CDH13: variants seen among roughly 807,000 people sequenced by gnomAD.
The protein encoded by CDH13 is cadherin 13.
Under a neutral mutation model 63.8 loss-of-function variants are expected in CDH13, and 24 were observed. That is an observed-to-expected ratio of 0.38 (90% CI 0.27 to 0.53). CDH13 has a LOEUF of 0.53. Among genes scored for constraint, CDH13 ranks in the 20% least tolerant of loss-of-function variants. The probability of loss-of-function intolerance (pLI) is 0.85; values close to 1 mark genes in which losing one functional copy is unlikely to be tolerated. For synonymous variants in CDH13, 503 were observed against 355.3 expected, an observed-to-expected ratio of 1.42 and a Z score of -4.67; for missense variants, 1,049 against 903.1, an observed-to-expected ratio of 1.16 and a Z score of -2.07.
intron 3 of CDH13, among the ~76,000 whole-genome samples, chr16:83,078,316 A>G (rs1201904379): frequency 6.6e-6 from 1 of 152,160 alleles, no homozygotes; most frequent in African/African-American, 2.4e-5. Flanking sequence ...GGTTTCATGG[A>G]AGGCAATTTT....
chr16:83,546,975 G>A (rs868309047), intron 7 of CDH13, among the ~76,000 whole-genome samples: 2 of 152,138 alleles, frequency 1.3e-5, no homozygotes, highest in Admixed American at 6.5e-5. Flanking sequence ...GGACACCTCC[G>A]GTCCTGAACA....
intron 7 of CDH13, among the ~76,000 whole-genome samples, chr16:83,549,789 C>T (rs1243608607): frequency 6.6e-6 from 1 of 152,144 alleles, no homozygotes; most frequent in Non-Finnish European, 1.5e-5. Context: ...ACTGTAATCC[C>T]TTCGAGGAGA....
chr16:83,023,485 C>CAGAT (rs1915532177), intron 2 of CDH13, among the ~76,000 whole-genome samples: 1 of 152,130 alleles, frequency 6.6e-6, no homozygotes, highest in African/African-American at 2.4e-5. Context: ...CAGAAGAGTA[C>CAGAT]AGATAGTTCA....
rs901860532 is a variant in CDH13, at chr16:82,644,482, C to T, written c.45+17345C>T. ...TTGTCATGTTGAAAATGCTGAGTGA[C>T]AAAGCCATTAGCCATGCACAGTGAA... On this transcript the variant is annotated intron_variant, in intron 1 of 13. Transcript: ENST00000567109. This position sits in a 1 kb window ranked among gnomAD's most constrained non-coding sequence, Gnocchi z 5.7. Among the ~76,000 whole-genome samples, 1 of 152,148 alleles carries T rather than the reference C, an allele frequency of 6.6e-6. No individual in the cohort carries two copies. The highest frequency in any genetic ancestry group is 2.4e-5 in the African/African-American group (1 of 41,428).
At chr16:83,390,456 CT>C (rs113553312) in intron 6 of CDH13, among the ~76,000 whole-genome samples, 134 of 149,000 alleles carry the variant, frequency 9.0e-4, no homozygotes, top group Admixed American at 4.0e-3. Flanking sequence ...TTTACAAATA[CT>C]TTTTTTTTTT....
chr16:83,242,212 C>T (rs991145012), intron 5 of CDH13, among the ~76,000 whole-genome samples: 1 of 152,180 alleles, frequency 6.6e-6, no homozygotes, highest in South Asian at 2.1e-4. Flanking sequence ...TCAATACATA[C>T]AATTTTGATT....
chr16:83,067,080 G>C lies in CDH13; in HGVS notation c.366+34862G>C, dbSNP rs181539947. On this transcript the variant is annotated intron_variant, in intron 3 of 13. Coordinates refer to ENST00000567109, the MANE Select transcript of CDH13 (RefSeq NM_001257.5). ...CGTTTTAAGCGTCCTTCATTCTTCA[G>C]ATGTGCTAATACCATCAATTAGGTA... Among the ~76,000 whole-genome samples, 52 of 152,270 alleles carry C rather than the reference G, an allele frequency of 3.4e-4. No homozygotes were observed. In the East Asian group the frequency reaches 7.4e-3, roughly 22 times the overall value.
At chr16:82,963,869 G>A (rs1020400172) in intron 2 of CDH13, among the ~76,000 whole-genome samples, 2 of 152,138 alleles carry the variant, frequency 1.3e-5, no homozygotes, top group East Asian at 3.9e-4. Context: ...GGGAGCAATG[G>A]CAAGGGCACC....
At chr16:83,344,183 A>C (rs2090787076) in intron 5 of CDH13, among the ~76,000 whole-genome samples, 2 of 152,234 alleles carry the variant, frequency 1.3e-5, no homozygotes, top group African/African-American at 4.8e-5. Context: ...CCCGTGATTC[A>C]CTGGAAATGC....
intron 2 of CDH13, among the ~76,000 whole-genome samples, chr16:82,998,294 G>C (rs957918998): frequency 6.6e-6 from 1 of 152,156 alleles, no homozygotes; most frequent in African/African-American, 2.4e-5. Flanking sequence ...TTAAAAATCA[G>C]CATATATTGA....
chr16:83,629,209 G>A (rs1470878985), intron 8 of CDH13, among the ~76,000 whole-genome samples: 1 of 152,182 alleles, frequency 6.6e-6, no homozygotes, highest in Admixed American at 6.6e-5. Flanking sequence ...TTTCATACCT[G>A]CACAATTTAC....
intron 1 of CDH13, among the ~76,000 whole-genome samples, chr16:82,685,464 A>G (rs908227438): frequency 1.3e-5 from 2 of 152,230 alleles, no homozygotes; most frequent in African/African-American, 2.4e-5. Flanking sequence ...TGGGGGTTAG[A>G]CATTTAACAT....
intron 3 of CDH13, among the ~76,000 whole-genome samples, chr16:83,107,033 G>GAC (rs141710269): frequency 6.6e-6 from 1 of 152,016 alleles, no homozygotes; most frequent in Non-Finnish European, 1.5e-5. Flanking sequence ...CAGACAGACA[G>GAC]ACACACACAC....
At chr16:83,684,513 C>T (rs778820374) in intron 10 of CDH13, among the ~76,000 whole-genome samples, 6 of 152,204 alleles carry the variant, frequency 3.9e-5, no homozygotes, top group African/African-American at 9.7e-5. Flanking sequence ...GGGAGGCAGC[C>T]GGCAGCTAAA....
intron 3 of CDH13, among the ~76,000 whole-genome samples, chr16:83,090,001 C>G (rs1343172875): frequency 2.0e-5 from 3 of 152,130 alleles, no homozygotes; most frequent in South Asian, 2.1e-4. Context: ...ACATTTGAGG[C>G]TAGAAGCATG....
chr16:83,349,581 CATTATTATT>C (rs59255073), intron 6 of CDH13, among the ~76,000 whole-genome samples: 2 of 145,054 alleles, frequency 1.4e-5, no homozygotes, highest in South Asian at 2.3e-4. Context: ...ACTTGAGGTG[CATTATTATT>C]ATTATTATTA....
At chr16:82,930,040 T>TC (rs2042438343) in intron 2 of CDH13, among the ~76,000 whole-genome samples, 1 of 22,954 alleles carries the variant, frequency 4.4e-5, no homozygotes, top group East Asian at 4.6e-4. Context: ...AGTTTGTCTC[T>TC]TTTTTTTTTT....
intron 1 of CDH13, among the ~76,000 whole-genome samples, chr16:82,656,138 G>T (rs1362527527): frequency 6.6e-6 from 1 of 152,190 alleles, no homozygotes; most frequent in South Asian, 2.1e-4. Flanking sequence ...TGACATATGA[G>T]CTGAGACTGA....
chr16:83,147,867 T>C (rs1272645088), intron 4 of CDH13, among the ~76,000 whole-genome samples: 1 of 152,164 alleles, frequency 6.6e-6, no homozygotes, highest in African/African-American at 2.4e-5. Context: ...TCATAAGCTG[T>C]AACTACAAAT....
Sources: allele counts gnomAD v4.1 joint callset (sites outside exome capture counted in the v4.1 genomes callset), GRCh38; gene constraint gnomAD v4.1.1; non-coding constraint Gnocchi (gnomAD v3.1); transcripts MANE v1.5; gene names NCBI Gene and HGNC (gene_info 2026-07-23, HGNC 2026-07-21).